MOBP: variants seen among roughly 807,000 people sequenced by gnomAD.
MOBP encodes the protein myelin-associated oligodendrocyte basic protein.
Under a neutral mutation model 15.0 loss-of-function variants are expected in MOBP, and 5 were observed. The ratio of observed to expected loss-of-function variants is 0.33; its 90% CI spans 0.17 to 0.70. The LOEUF (loss-of-function observed/expected upper bound fraction) is 0.70. Ranked by LOEUF, MOBP falls within the 30% of genes least tolerant of loss-of-function variation. The probability of loss-of-function intolerance (pLI) is 0.67; values close to 1 mark genes in which losing one functional copy is unlikely to be tolerated. For synonymous variants in MOBP, 88 were observed against 99.0 expected (o/e 0.89, Z 0.66); for missense variants, 188 against 257.8 (o/e 0.73, Z 1.85).
intron 4 of MOBP, among the ~76,000 whole-genome samples, chr3:39,509,260 T>C (rs2043088712): frequency 6.6e-6 from 1 of 152,174 alleles, no homozygotes; most frequent in African/African-American, 2.4e-5. Context: ...CTGGTAATGC[T>C]GGGTAATATG....
chr3:39,469,110 A>ATATACATATATACATGTGTGTG (rs2042417437), intron 1 of MOBP, among the ~76,000 whole-genome samples: 1 of 48,156 alleles, frequency 2.1e-5, no homozygotes, highest in Non-Finnish European at 3.9e-5. Flanking sequence ...ATGTGTGTGT[A>ATATACATATATACATGTGTGTG]TATATACATA....
chr3:39,520,696 G>T (rs1374929471), downstream of MOBP, among the ~76,000 whole-genome samples: 1 of 152,178 alleles, frequency 6.6e-6, no homozygotes, highest in African/African-American at 2.4e-5. Flanking sequence ...TTTTGGGAAA[G>T]GTGGGTTTCC....
intron 1 of MOBP, among the ~76,000 whole-genome samples, chr3:39,469,164 G>A (rs28810495): frequency 0.55 from 23,190 of 42,460 alleles, 8,058 homozygotes; most frequent in African/African-American, 0.77. Flanking sequence ...ATGTGTGTGT[G>A]TATACATATA....
intron 3 of MOBP, among the ~76,000 whole-genome samples, chr3:39,522,952 T>A (rs1338217979): frequency 6.6e-6 from 1 of 152,222 alleles, no homozygotes; most frequent in East Asian, 1.9e-4. Flanking sequence ...TGCAAACTAA[T>A]GCCATCCATT....
At chr3:39,498,411 C>T (rs1366617735) in intron 2 of MOBP, among the ~76,000 whole-genome samples, 1 of 152,014 alleles carries the variant, frequency 6.6e-6, no homozygotes, top group Non-Finnish European at 1.5e-5. Flanking sequence ...AGTGCAGTGG[C>T]GCGACCTCAG....
chr3:39,498,968 G>A (rs645403), intron 2 of MOBP, among the ~76,000 whole-genome samples: 42,001 of 152,018 alleles, frequency 0.28, 6,957 homozygotes, highest in African/African-American at 0.46. Context: ...GTCACAGTGG[G>A]CTTCAAATCT....
intron 2 of MOBP, chr3:39,500,141 C>T (rs540680007): frequency 4.4e-6 from 2 of 450,852 alleles, no homozygotes; most frequent in South Asian, 3.2e-5. Context: ...CTTATTTGGT[C>T]TCAGTAAATG....
intron 2 of MOBP, among the ~76,000 whole-genome samples, chr3:39,485,557 T>C (rs1480245170): frequency 1.3e-5 from 2 of 152,230 alleles, no homozygotes; most frequent in Non-Finnish European, 2.9e-5. Flanking sequence ...CCTGGGCCGG[T>C]AATGGAATCT....
chr3:39,510,146 G>T (rs570761710), intron 4 of MOBP, among the ~76,000 whole-genome samples: 2 of 152,022 alleles, frequency 1.3e-5, no homozygotes, highest in African/African-American at 4.8e-5. Flanking sequence ...ATATATTTAT[G>T]GGTTTATTTC....
intron 4 of MOBP, among the ~76,000 whole-genome samples, chr3:39,509,612 T>G (rs1329855604): frequency 6.6e-6 from 1 of 152,186 alleles, no homozygotes; most frequent in Non-Finnish European, 1.5e-5. Context: ...TACAAGACAT[T>G]TATAAACAAT....
chr3:39,507,131 G>T (rs1319785763), downstream of MOBP, among the ~76,000 whole-genome samples: 1 of 152,180 alleles, frequency 6.6e-6, no homozygotes, highest in African/African-American at 2.4e-5. Context: ...CACGTGTGAT[G>T]ACTTCTAAAC....
At chr3:39,484,511 C>A (rs1358402341) in intron 2 of MOBP, among the ~76,000 whole-genome samples, 2 of 152,082 alleles carry the variant, frequency 1.3e-5, no homozygotes, top group Non-Finnish European at 2.9e-5. Context: ...AACGGAGAGA[C>A]CAGCTGGGCC....
intron 2 of MOBP, among the ~76,000 whole-genome samples, chr3:39,496,671 T>C (rs2042889045): frequency 6.9e-6 from 1 of 145,264 alleles, no homozygotes; most frequent in Non-Finnish European, 1.5e-5. Context: ...TTTTTTTTTT[T>C]CTTTTTTTTG....
chr3:39,481,899 G>A (rs765558468), intron 2 of MOBP, among the ~76,000 whole-genome samples: 7 of 152,090 alleles, frequency 4.6e-5, no homozygotes, highest in Non-Finnish European at 7.3e-5. Context: ...TTCCTATGAT[G>A]TCACATGCTC....
At chr3:39,493,888 A>G (rs2042837001) in intron 2 of MOBP, among the ~76,000 whole-genome samples, 1 of 152,190 alleles carries the variant, frequency 6.6e-6, no homozygotes, top group African/African-American at 2.4e-5. Flanking sequence ...CAAGTTCCAA[A>G]GGCTTGAAAT....
intron 1 of MOBP, among the ~76,000 whole-genome samples, chr3:39,474,328 AAC>A (rs570279732): frequency 2.0e-5 from 3 of 152,376 alleles, no homozygotes; most frequent in East Asian, 3.9e-4. Flanking sequence ...ACTTAAATGA[AAC>A]ACAGACTCAA....
downstream of MOBP, chr3:39,526,634 G>T (rs2043326187): frequency 6.6e-6 from 1 of 152,076 alleles, no homozygotes; most frequent in African/African-American, 2.4e-5. Flanking sequence ...TGTTTTGACT[G>T]GTTTTGGGAA....
intron 2 of MOBP, among the ~76,000 whole-genome samples, chr3:39,501,181 C>T (rs943167716): frequency 6.6e-6 from 1 of 152,234 alleles, no homozygotes; most frequent in Non-Finnish European, 1.5e-5. Context: ...GCTTTGTACA[C>T]ACTTGTATTG....
At chr3:39,474,308 G>A (rs550801578) in intron 1 of MOBP, among the ~76,000 whole-genome samples, 1 of 152,276 alleles carries the variant, frequency 6.6e-6, no homozygotes, top group Non-Finnish European at 1.5e-5. Flanking sequence ...AAAACACATG[G>A]ATGGCATTAA....
Sources: allele counts gnomAD v4.1 joint callset (sites outside exome capture counted in the v4.1 genomes callset), GRCh38; gene constraint gnomAD v4.1.1; transcripts MANE v1.5; gene names NCBI Gene and HGNC (gene_info 2026-07-23, HGNC 2026-07-21).